Variants in FAM135A observed in about 807,000 individuals in gnomAD.
FAM135A encodes the protein family with sequence similarity 135 member A.
Under a neutral mutation model 146.8 loss-of-function variants are expected in FAM135A, and 79 were observed. The observed-to-expected ratio is 0.54, with a 90% CI of 0.45 to 0.65. The LOEUF is 0.65. FAM135A is among the 30% of genes least tolerant of loss of function. The pLI, the probability that FAM135A is intolerant of heterozygous loss-of-function variation, is 0.00. For synonymous variants in FAM135A, 562 were observed against 603.6 expected (o/e 0.93, Z 1.01); for missense variants, 1,623 against 1,758.2 (o/e 0.92, Z 1.38).
intron 4 of FAM135A, among the ~76,000 whole-genome samples, chr6:70,445,856 G>T (rs113870111): frequency 1.4e-4 from 21 of 152,132 alleles, no homozygotes; most frequent in African/African-American, 2.4e-4. Context: ...GGGCGGGGGG[G>T]GCTGTTCCCA....
At chr6:70,538,268 C>CTATATCA in intron 19 of FAM135A, 23 bp from the exon 20 acceptor site, 2 of 1,302,480 alleles carry the variant, frequency 1.5e-6, no homozygotes, top group Non-Finnish European at 2.0e-6. Flanking sequence ...TTTCATACTT[C>CTATATCA]TATATCATAT....
intron 8 of FAM135A, among the ~76,000 whole-genome samples, chr6:70,477,943 G>T (rs1168324054): frequency 6.6e-6 from 1 of 151,978 alleles, no homozygotes; most frequent in Non-Finnish European, 1.5e-5. Context: ...ATACCATCTG[G>T]AAATAACCAC....
chr6:70,556,454 C>G (rs893034591), intron 20 of FAM135A, among the ~76,000 whole-genome samples: 1 of 152,114 alleles, frequency 6.6e-6, no homozygotes, highest in Admixed American at 6.6e-5. Flanking sequence ...GGAATACTTT[C>G]TATAGAACAT....
At chr6:70,478,739 T>C (rs1028043895) in intron 8 of FAM135A, among the ~76,000 whole-genome samples, 5 of 152,176 alleles carry the variant, frequency 3.3e-5, no homozygotes, top group African/African-American at 1.2e-4. Context: ...TAGAAAGATC[T>C]GTAACTGGTA....
At chr6:70,555,337 C>A (rs754637789) in intron 20 of FAM135A, among the ~76,000 whole-genome samples, 9 of 152,166 alleles carry the variant, frequency 5.9e-5, no homozygotes, top group Non-Finnish European at 1.2e-4. Context: ...ACAGCCATGG[C>A]TCACTGCAGC....
chr6:70,546,649 G>T (rs1229450367), intron 20 of FAM135A, among the ~76,000 whole-genome samples: 3 of 152,136 alleles, frequency 2.0e-5, no homozygotes, highest in Non-Finnish European at 4.4e-5. Flanking sequence ...TATTGGGTGA[G>T]AAATTACCTT....
chr6:70,545,332 G>T (rs1582878933), intron 20 of FAM135A, among the ~76,000 whole-genome samples: 1 of 151,964 alleles, frequency 6.6e-6, no homozygotes. Context: ...CTATTTTCTG[G>T]CTGGGCACGG....
In FAM135A at chr6:70,536,249, T is replaced by C. The variant is rs1415475075; in HGVS notation, c.3966-11T>C. On this transcript the variant is annotated splice_polypyrimidine_tract_variant and intron_variant, in intron 18 of 21. Transcript: ENST00000418814. ...TGCTGTGAGAAAATTAATTTTTTTT[T>C]CCTCTTAAAGCTTTATTGGACATTC... 6.3e-7 allele frequency: 1 copy of C among 1,589,992 alleles called. No individual in the cohort carries two copies.
At chr6:70,533,969 ATTAAT>A (rs1414741287) in intron 18 of FAM135A, 115 bp downstream of exon 18, 3 of 458,368 alleles carry the variant, frequency 6.5e-6, no homozygotes, top group Non-Finnish European at 1.1e-5. Context: ...TACAACTCAA[ATTAAT>A]TTATAGTGAA....
chr6:70,417,625 T>C, intron 2 of FAM135A: 2 of 985,256 alleles, frequency 2.0e-6, no homozygotes, highest in Non-Finnish European at 2.4e-6. Flanking sequence ...AAGTTGCCTA[T>C]AGGATGCAGC....
intron 20 of FAM135A, among the ~76,000 whole-genome samples, chr6:70,543,198 C>T (rs893985970): frequency 2.6e-5 from 4 of 152,108 alleles, no homozygotes; most frequent in Non-Finnish European, 5.9e-5. Flanking sequence ...ATATATTCAG[C>T]GACTGGTAGT....
chr6:70,428,443 A>G lies in FAM135A; in HGVS notation c.77+24A>G, dbSNP rs375383555. The G allele has an allele frequency of 1.0e-5, 16 of 1,530,176 alleles. No individual in the cohort carries two copies. In the African/African-American group the frequency reaches 2.1e-4, roughly 20 times the overall value. 94.8% of individuals were successfully genotyped at this position (1,530,176 alleles called of 1,614,324 possible). ...GGGTATGTATTTTATTGTGAAAATG[A>G]TATATTTTGCATAAGATGTACAGTT... On this transcript the variant is annotated intron_variant, in intron 4 of 21. Transcript: ENST00000418814.
intron 20 of FAM135A, among the ~76,000 whole-genome samples, chr6:70,539,714 G>C (rs890514748): frequency 6.6e-6 from 1 of 152,042 alleles, no homozygotes; most frequent in Non-Finnish European, 1.5e-5. Context: ...ACATTGACAC[G>C]GCCGGGCGTG....
intron 5 of FAM135A, among the ~76,000 whole-genome samples, chr6:70,460,984 T>C (rs1208994773): frequency 6.6e-6 from 1 of 151,552 alleles, no homozygotes; most frequent in Non-Finnish European, 1.5e-5. Context: ...CCACCACGCC[T>C]GACTGATTTT....
chr6:70,542,663 A>G (rs1798154542), intron 20 of FAM135A, among the ~76,000 whole-genome samples: 1 of 152,128 alleles, frequency 6.6e-6, no homozygotes, highest in Non-Finnish European at 1.5e-5. Flanking sequence ...TGTCCCATAT[A>G]TACTTTTATG....
At chr6:70,478,679 C>CA (rs141869323) in intron 8 of FAM135A, among the ~76,000 whole-genome samples, 2,871 of 152,170 alleles carry the variant, frequency 0.019, 95 homozygotes, top group African/African-American at 0.065. Flanking sequence ...AGCACCAGGC[C>CA]AGGAAGACAT....
chr6:70,460,215 C>T (rs1779171960), intron 5 of FAM135A, among the ~76,000 whole-genome samples: 1 of 152,146 alleles, frequency 6.6e-6, no homozygotes, highest in Non-Finnish European at 1.5e-5. Context: ...TCCTCGTTCC[C>T]TCTCCCCCAA....
At chr6:70,447,849 C>T (rs140393741) in intron 4 of FAM135A, among the ~76,000 whole-genome samples, 5,177 of 152,286 alleles carry the variant, frequency 0.034, 108 homozygotes, top group Middle Eastern at 0.086. Flanking sequence ...TTAAAACAAG[C>T]TCCAGGAAGT....
At chr6:70,439,702 A>T (rs1316972375) in intron 4 of FAM135A, among the ~76,000 whole-genome samples, 1 of 151,922 alleles carries the variant, frequency 6.6e-6, no homozygotes, top group Non-Finnish European at 1.5e-5. Context: ...TCATGTTCTG[A>T]TCTCTACCAG....
Sources: gnomAD v4.1 joint callset for allele counts (sites outside exome capture counted in the v4.1 genomes callset) on GRCh38, gnomAD v4.1.1 for gene constraint, MANE v1.5 for transcripts, NCBI Gene and HGNC (gene_info 2026-07-23, HGNC 2026-07-21) for gene names.